Variants in LYPD6B observed in about 807,000 individuals in gnomAD.
The protein encoded by LYPD6B is ly6/PLAUR domain-containing protein 6B.
Under a neutral mutation model 22.8 loss-of-function variants are expected in LYPD6B, and 17 were observed. The ratio of observed to expected loss-of-function variants is 0.75; its 90% CI spans 0.51 to 1.12. The LOEUF (loss-of-function observed/expected upper bound fraction) is 1.12, where lower values mean the gene tolerates loss of function less well. Ranked by LOEUF, LYPD6B falls within the 50% of genes most tolerant of loss-of-function variation. The pLI is 0.00. For synonymous variants in LYPD6B, 106 were observed against 91.6 expected (o/e 1.16, Z -0.90); for missense variants, 221 against 258.3 (o/e 0.86, Z 0.99).
chr2:149,202,453 T>A (rs561494511), intron 3 of LYPD6B, among the ~76,000 whole-genome samples: 8 of 152,300 alleles, frequency 5.3e-5, no homozygotes, highest in African/African-American at 1.9e-4. Context: ...TGGCTGATTC[T>A]TTCCCATCAT....
chr2:149,212,007 G>T (rs1186070363), intron 5 of LYPD6B, among the ~76,000 whole-genome samples: 1 of 151,514 alleles, frequency 6.6e-6, no homozygotes, highest in African/African-American at 2.4e-5. Flanking sequence ...GAAAGTAAAA[G>T]AGGAGGAAAA....
chr2:149,141,726 TAA>T (rs1168198723), intron 2 of LYPD6B, among the ~76,000 whole-genome samples: 1 of 152,244 alleles, frequency 6.6e-6, no homozygotes, highest in Non-Finnish European at 1.5e-5. Context: ...AGGGCAACTA[TAA>T]CAAAGTAATA....
intron 2 of LYPD6B, among the ~76,000 whole-genome samples, chr2:149,157,585 C>A (rs1689791154): frequency 6.6e-6 from 1 of 152,176 alleles, no homozygotes; most frequent in Non-Finnish European, 1.5e-5. Flanking sequence ...TTTTTGTTGA[C>A]TTTCTCTGGA....
intron 1 of LYPD6B, chr2:149,101,055 A>C (rs1480121512): frequency 6.6e-6 from 1 of 152,202 alleles, no homozygotes; most frequent in Non-Finnish European, 1.5e-5. Context: ...TCTTGTTGTC[A>C]GTTCTGCTGC....
At chr2:149,184,926 C>T (rs1005126781) in intron 3 of LYPD6B, among the ~76,000 whole-genome samples, 1 of 152,148 alleles carries the variant, frequency 6.6e-6, no homozygotes, top group Admixed American at 6.5e-5. Flanking sequence ...CTTATTAAAT[C>T]CTTTGTCCCA....
At chr2:149,188,140 G>A (rs935177440) in intron 3 of LYPD6B, among the ~76,000 whole-genome samples, 2 of 152,122 alleles carry the variant, frequency 1.3e-5, no homozygotes, top group East Asian at 3.9e-4. Flanking sequence ...TCACCTGTAT[G>A]GATGTTGTGA....
intron 3 of LYPD6B, among the ~76,000 whole-genome samples, chr2:149,172,668 G>A (rs1388390552): frequency 6.6e-6 from 1 of 152,168 alleles, no homozygotes; most frequent in African/African-American, 2.4e-5. Context: ...CTGTGAGGAT[G>A]TTTCTAGAAG....
chr2:149,116,653 G>A (rs1392327035), intron 1 of LYPD6B, among the ~76,000 whole-genome samples: 1 of 152,144 alleles, frequency 6.6e-6, no homozygotes, highest in African/African-American at 2.4e-5. Context: ...TAGCAGTTAT[G>A]ACATGTTGGC....
intron 1 of LYPD6B, among the ~76,000 whole-genome samples, chr2:149,085,021 AC>A (rs1255683033): frequency 6.6e-6 from 1 of 152,196 alleles, no homozygotes; most frequent in Non-Finnish European, 1.5e-5. Context: ...AACAGCAAAA[AC>A]AACAAAAATT....
chr2:149,053,802 G>C (rs1683669827), intron 1 of LYPD6B, among the ~76,000 whole-genome samples: 1 of 152,122 alleles, frequency 6.6e-6, no homozygotes, highest in Non-Finnish European at 1.5e-5. Flanking sequence ...ATTTGCCTTT[G>C]CCTGCTCTGG....
chr2:149,064,482 A>G (rs766640234), intron 1 of LYPD6B, among the ~76,000 whole-genome samples: 17 of 152,214 alleles, frequency 1.1e-4, no homozygotes, highest in African/African-American at 1.7e-4. Flanking sequence ...AGTAAAAGAG[A>G]CATGTTAATT....
intron 1 of LYPD6B, among the ~76,000 whole-genome samples, chr2:149,068,116 A>G (rs1394340039): frequency 6.6e-6 from 1 of 152,226 alleles, no homozygotes; most frequent in Non-Finnish European, 1.5e-5. Context: ...CAGTTTGAGA[A>G]GAAATCAGCA....
chr2:149,055,037 GAT>G (rs1276891555), intron 1 of LYPD6B, among the ~76,000 whole-genome samples: 3 of 152,048 alleles, frequency 2.0e-5, no homozygotes, highest in Non-Finnish European at 4.4e-5. Flanking sequence ...CTTCCATGTA[GAT>G]ATTTGATCTA....
At chr2:149,167,959 G>A (rs1690542785) in intron 3 of LYPD6B, among the ~76,000 whole-genome samples, 1 of 151,800 alleles carries the variant, frequency 6.6e-6, no homozygotes, top group Admixed American at 6.6e-5. Context: ...GCTCATGCCT[G>A]TAAACTTTGG....
At chr2:149,187,646 C>A in intron 3 of LYPD6B, 1 of 900,572 alleles carries the variant, frequency 1.1e-6, no homozygotes, top group Non-Finnish European at 1.5e-6. Context: ...GCAGGCTTGT[C>A]CAATCTTTTG....
At chr2:149,175,380 C>T (rs1691220674) in intron 3 of LYPD6B, among the ~76,000 whole-genome samples, 1 of 152,048 alleles carries the variant, frequency 6.6e-6, no homozygotes, top group Admixed American at 6.6e-5. Context: ...AAAAATGGTA[C>T]ACCTGTATAG....
intron 2 of LYPD6B, among the ~76,000 whole-genome samples, chr2:149,137,238 G>A (rs116434955): frequency 6.6e-6 from 1 of 152,312 alleles, no homozygotes; most frequent in South Asian, 2.1e-4. Context: ...CATGCAGTTA[G>A]TGTATATATC....
chr2:149,098,889 A>G (rs1417561206), intron 1 of LYPD6B, among the ~76,000 whole-genome samples: 2 of 151,780 alleles, frequency 1.3e-5, no homozygotes, highest in Non-Finnish European at 1.5e-5. Context: ...TTTCCCACAT[A>G]TTGAACTGTC....
intron 1 of LYPD6B, among the ~76,000 whole-genome samples, chr2:149,048,563 C>T (rs777946321): frequency 2.0e-5 from 3 of 152,168 alleles, no homozygotes; most frequent in Non-Finnish European, 4.4e-5. Context: ...GTACATCTGC[C>T]TCAAGTAGAC....
Sources: gnomAD v4.1 joint callset for allele counts (sites outside exome capture counted in the v4.1 genomes callset) on GRCh38, gnomAD v4.1.1 for gene constraint, MANE v1.5 for transcripts, NCBI Gene and HGNC (gene_info 2026-07-23, HGNC 2026-07-21) for gene names.